PCDHGA2: variants seen among roughly 807,000 people sequenced by gnomAD.
PCDHGA2 encodes the protein protocadherin gamma-A2.
Under a neutral mutation model 59.2 loss-of-function variants are expected in PCDHGA2, and 40 were observed. The observed-to-expected ratio is 0.68, with a 90% CI of 0.52 to 0.88. PCDHGA2 has a LOEUF of 0.88. PCDHGA2 is among the 40% of genes least tolerant of loss of function. The pLI is 0.00. For synonymous variants in PCDHGA2, 560 were observed against 526.0 expected (o/e 1.06, Z -0.89); for missense variants, 1,226 against 1,204.0 (o/e 1.02, Z -0.27).
At chr5:141,391,240 T>C (rs1388357484) in intron 1 of PCDHGA2, 1 of 152,150 alleles carries the variant, frequency 6.6e-6, no homozygotes, top group Non-Finnish European at 1.5e-5. Flanking sequence ...GCTAGGTATA[T>C]CTAAGCAACT....
chr5:141,393,264 C>T, intron 1 of PCDHGA2: 1 of 1,613,916 alleles, frequency 6.2e-7, no homozygotes, highest in Non-Finnish European at 8.5e-7. Flanking sequence ...TCCTGGAGCA[C>T]GTTATCCACT....
At chr5:141,349,339 G>A (rs565572871) in intron 1 of PCDHGA2, among the ~76,000 whole-genome samples, 19 of 152,058 alleles carry the variant, frequency 1.2e-4, no homozygotes, top group Middle Eastern at 3.4e-3. Context: ...CAAAGTGCTG[G>A]GATCACAGGT....
rs375597452 is a variant in PCDHGA2 at position 141,403,865 on chromosome 5, A to G, written c.2424+62470A>G. ...AAATACTGGGGAAATATCAACAGCA[A>G]AAAGTCTAGATTATGAAGAATGTTC... On this transcript the variant is annotated intron_variant, in intron 1 of 3. Transcript: ENST00000394576. 40 of 1,613,808 alleles carry G rather than the reference A, an allele frequency of 2.5e-5. No individual in the cohort carries two copies. The African/African-American group carries it at 5.2e-4, about 21-fold the overall frequency.
chr5:141,433,358 C>CCTATCTAT (rs3074541), intron 1 of PCDHGA2: 29,853 of 503,480 alleles, frequency 0.059, 1,017 homozygotes, highest in East Asian at 0.071. Context: ...CTACTGTCTG[C>CCTATCTAT]CTATCTATCT....
chr5:141,446,988 C>T (rs548721486), intron 1 of PCDHGA2, among the ~76,000 whole-genome samples: 1 of 152,154 alleles, frequency 6.6e-6, no homozygotes, highest in Non-Finnish European at 1.5e-5. Flanking sequence ...TCATACTCCA[C>T]TCTTCAGACT....
chr5:141,490,380 T>A lies in PCDHGA2; in HGVS notation c.2425-4427T>A. On this transcript the variant is annotated intron_variant, in intron 1 of 3. Coordinates refer to ENST00000394576, the MANE Select transcript of PCDHGA2 (RefSeq NM_018915.4). The surrounding 1 kb of genome is among the most constrained non-coding windows in gnomAD (Gnocchi z 5.4). ...TTAATGTGCGAGACCGGGACTCAGG[T>A]AGAAATGGTGAAGTGAGCCTTGATA... 6.2e-7 allele frequency: 1 copy of A among 1,614,204 alleles called. No homozygotes were observed. The highest frequency in any genetic ancestry group is 1.7e-5 in the Admixed American group (1 of 60,026).
intron 1 of PCDHGA2, chr5:141,433,358 CCTAT>C (rs3074541): frequency 0.23 from 113,181 of 502,952 alleles, 11,570 homozygotes; most frequent in Non-Finnish European, 0.24. Flanking sequence ...CTACTGTCTG[CCTAT>C]CTATCTATCT....
At chr5:141,352,708 G>T (rs193159920) in intron 1 of PCDHGA2, 2 of 1,543,542 alleles carry the variant, frequency 1.3e-6, no homozygotes, top group African/African-American at 2.7e-5. Context: ...TATATATGGC[G>T]GCCGGGCGCG....
chr5:141,439,470 T>C (rs1357441747), intron 1 of PCDHGA2, among the ~76,000 whole-genome samples: 1 of 152,220 alleles, frequency 6.6e-6, no homozygotes, highest in African/African-American at 2.4e-5. Flanking sequence ...CTGCTGCCTT[T>C]CAGCTTGCAA....
At chr5:141,362,281 C>A in intron 1 of PCDHGA2, 4 of 1,614,016 alleles carry the variant, frequency 2.5e-6, no homozygotes, top group Non-Finnish European at 3.4e-6. Flanking sequence ...CCTGCGCCTG[C>A]GACTCTCTTC....
intron 1 of PCDHGA2, chr5:141,399,180 G>A (rs1454578078): frequency 6.2e-7 from 1 of 1,613,916 alleles, no homozygotes; most frequent in Non-Finnish European, 8.5e-7. Context: ...TACTTGAAAT[G>A]ATTCTGGAAA....
rs561648427 is a variant in PCDHGA2, at chr5:141,379,679, T to G, written c.2424+38284T>G. The stretch of plus-strand genomic sequence containing the variant: ...TACTCTCACAAAAGTCATTCACTCA[T>G]GTGGACTGACCAACTGTTAAACATC... On this transcript the variant is annotated intron_variant, in intron 1 of 3. Coordinates refer to ENST00000394576, the MANE Select transcript of PCDHGA2 (RefSeq NM_018915.4). 2.0e-5 allele frequency: 3 copies of G among 152,260 alleles called. No individual in the cohort carries two copies. The South Asian group carries it at 6.2e-4, about 32-fold the overall frequency. The allele number at this position is 152,260 out of a possible 1,614,324, so 9.4% of individuals were successfully genotyped here. A position where few individuals can be genotyped will look rare whatever the true frequency, so the allele number is the denominator to read the frequency against.
In PCDHGA2 at chr5:141,344,597, G is replaced by A. The variant is rs199666918; in HGVS notation, c.2424+3202G>A. 1.6e-3 allele frequency: 2,632 copies of A among 1,613,928 alleles called. 4 individuals are homozygous for A. Among genetic ancestry groups the A allele is most frequent in the Non-Finnish European group, 2.1e-3 (2,433 of 1,179,880 alleles). ...TGGCTGTGAATAGCGTCTCTGAGGG[G>A]GCCAAGTATCCAGAGCTGGTGCTGG... On this transcript the variant is annotated intron_variant, in intron 1 of 3. Coordinates refer to ENST00000394576, the MANE Select transcript of PCDHGA2 (RefSeq NM_018915.4).
intron 1 of PCDHGA2, among the ~76,000 whole-genome samples, chr5:141,482,760 C>CAGCTGTG (rs1363796107): frequency 2.1e-5 from 3 of 141,084 alleles, no homozygotes; most frequent in African/African-American, 5.7e-5. Flanking sequence ...TATGGTATTT[C>CAGCTGTG]ATTATCACTG....
At chr5:141,422,318 G>A (rs778935746) in intron 1 of PCDHGA2, 10 of 1,548,110 alleles carry the variant, frequency 6.5e-6, no homozygotes, top group Non-Finnish European at 7.8e-6. Context: ...TCTCCTCCAG[G>A]TACAGTGATT....
chr5:141,354,642 T>C (rs554311195), intron 1 of PCDHGA2, among the ~76,000 whole-genome samples: 1 of 152,322 alleles, frequency 6.6e-6, no homozygotes, highest in South Asian at 2.1e-4. Flanking sequence ...GTCTCATCCA[T>C]TTTTCAAGTC....
chr5:141,421,833 C>T (rs1364245594), intron 1 of PCDHGA2: 6 of 1,613,756 alleles, frequency 3.7e-6, no homozygotes, highest in Non-Finnish European at 4.2e-6. Flanking sequence ...GAAGCCTGGA[C>T]CGAGAGAAAG....
At chr5:141,438,633 TATACACACAC>T (rs1369232099) in intron 1 of PCDHGA2, among the ~76,000 whole-genome samples, 454 of 33,892 alleles carry the variant, frequency 0.013, 1 homozygote, top group Non-Finnish European at 0.019. Flanking sequence ...TATATATATA[TATACACACAC>T]ACACACACAT....
chr5:141,404,594 T>C (rs778412256), intron 1 of PCDHGA2: 6 of 1,614,050 alleles, frequency 3.7e-6, no homozygotes, highest in South Asian at 1.1e-5. Flanking sequence ...CAATGTGTCA[T>C]TGAGACTGTT....
Sources: allele counts gnomAD v4.1 joint callset (sites outside exome capture counted in the v4.1 genomes callset), GRCh38; gene constraint gnomAD v4.1.1; non-coding constraint Gnocchi (gnomAD v3.1); transcripts MANE v1.5; gene names NCBI Gene and HGNC (gene_info 2026-07-23, HGNC 2026-07-21).